The following MGAT4C variants were observed in gnomAD, a reference collection of about 807,000 sequenced individuals.
The protein encoded by MGAT4C is alpha-1,3-mannosyl-glycoprotein 4-beta-N-acetylglucosaminyltransferase C.
MGAT4C carries 19 observed loss-of-function variants against 40.1 expected under a neutral mutation model. The ratio of observed to expected loss-of-function variants is 0.47; its 90% CI spans 0.33 to 0.70. MGAT4C has a LOEUF of 0.70. Among genes scored for constraint, MGAT4C ranks in the 30% least tolerant of loss-of-function variants. The probability of loss-of-function intolerance (pLI) is 0.02; values close to 1 mark genes in which losing one functional copy is unlikely to be tolerated. For missense variants in MGAT4C, 491 were observed against 563.2 expected, an observed-to-expected ratio of 0.87 and a Z score of 1.30; for synonymous variants, 181 against 187.1, an observed-to-expected ratio of 0.97 and a Z score of 0.27.
At chr12:86,266,443 T>C (rs565761571) in intron 4 of MGAT4C, among the ~76,000 whole-genome samples, 2 of 152,232 alleles carry the variant, frequency 1.3e-5, no homozygotes, top group Admixed American at 1.3e-4. Flanking sequence ...TCATATTTAC[T>C]GGTCAGCATA....
chr12:86,271,869 G>A (rs1952960149), intron 4 of MGAT4C, among the ~76,000 whole-genome samples: 1 of 152,092 alleles, frequency 6.6e-6, no homozygotes, highest in Admixed American at 6.5e-5. Flanking sequence ...AGAACTGGGA[G>A]GTCATTATCT....
intron 2 of MGAT4C, among the ~76,000 whole-genome samples, chr12:86,444,749 G>A (rs1957302845): frequency 6.6e-6 from 1 of 151,970 alleles, no homozygotes; most frequent in Non-Finnish European, 1.5e-5. Flanking sequence ...TATTTCTGAG[G>A]TACGGTTCTG....
chr12:86,086,742 A>G (rs1459815227), intron 1 of MGAT4C, among the ~76,000 whole-genome samples: 1 of 151,900 alleles, frequency 6.6e-6, no homozygotes, highest in Non-Finnish European at 1.5e-5. Flanking sequence ...AGTCACTTTA[A>G]TGTGCTACTG....
At chr12:86,091,232 T>C (rs1296355253) in intron 1 of MGAT4C, among the ~76,000 whole-genome samples, 1 of 152,008 alleles carries the variant, frequency 6.6e-6, no homozygotes, top group Non-Finnish European at 1.5e-5. Context: ...AGCAGTATCC[T>C]TGAATAATAA....
At chr12:86,555,729 C>T (rs115758980) in intron 2 of MGAT4C, among the ~76,000 whole-genome samples, 4,716 of 152,252 alleles carry the variant, frequency 0.031, 125 homozygotes, top group African/African-American at 0.074. Flanking sequence ...TAATGCAGAG[C>T]GCCCTTTTGA....
Position 86,138,665 on chromosome 12 carries a change from CATATATATTTCCAT to C in MGAT4C, c.-56-88956_-56-88943del, listed in dbSNP as rs1258474372. On this transcript the variant is annotated intron_variant, in intron 1 of 4. Transcript: ENST00000611864. ...ATCATATATATATTTCCATATATAT[CATATATATTTCCAT>C]ATATATATTTCCATATATATCCATA... Among the ~76,000 whole-genome samples the C allele has an allele frequency of 7.2e-4, 105 of 144,886 alleles. 4 individuals carry two copies. In the South Asian group the frequency reaches 0.021, roughly 28 times the overall value.
At chr12:86,140,193 A>G (rs1252833148) in intron 1 of MGAT4C, among the ~76,000 whole-genome samples, 2 of 152,188 alleles carry the variant, frequency 1.3e-5, no homozygotes, top group African/African-American at 2.4e-5. Flanking sequence ...GTCATATATT[A>G]AATGTCATTA....
chr12:86,478,761 C>A (rs906406227), intron 2 of MGAT4C, among the ~76,000 whole-genome samples: 1 of 151,970 alleles, frequency 6.6e-6, no homozygotes, highest in African/African-American at 2.4e-5. Flanking sequence ...ACCTCACAAC[C>A]ATATTATGCT....
intron 2 of MGAT4C, among the ~76,000 whole-genome samples, chr12:85,993,437 T>C (rs1407701527): frequency 6.6e-6 from 1 of 152,198 alleles, no homozygotes; most frequent in African/African-American, 2.4e-5. Flanking sequence ...GTTTGCATAC[T>C]GCAAGGCTTA....
At chr12:86,434,186 T>C (rs1031501311) in intron 3 of MGAT4C, among the ~76,000 whole-genome samples, 2 of 152,028 alleles carry the variant, frequency 1.3e-5, no homozygotes, top group African/African-American at 4.8e-5. Flanking sequence ...ATCATACAAG[T>C]TTATTTAAAA....
chr12:86,012,402 G>C (rs1331487599), intron 2 of MGAT4C, among the ~76,000 whole-genome samples: 1 of 152,054 alleles, frequency 6.6e-6, no homozygotes, highest in East Asian at 1.9e-4. Context: ...GTTCAATAAG[G>C]CTTAAGCAGT....
intron 2 of MGAT4C, among the ~76,000 whole-genome samples, chr12:86,706,568 T>G (rs1335712498): frequency 1.3e-5 from 2 of 152,080 alleles, no homozygotes; most frequent in Non-Finnish European, 2.9e-5. Context: ...TTATACTAGT[T>G]TTTATAATAA....
intron 2 of MGAT4C, among the ~76,000 whole-genome samples, chr12:86,718,959 A>G (rs1950694663): frequency 6.6e-6 from 1 of 152,100 alleles, no homozygotes; most frequent in African/African-American, 2.4e-5. Flanking sequence ...GTTTCTTTAC[A>G]TGATGGTTAC....
At chr12:86,742,153 C>T (rs1358850934) in intron 1 of MGAT4C, among the ~76,000 whole-genome samples, 2 of 151,166 alleles carry the variant, frequency 1.3e-5, no homozygotes, top group Non-Finnish European at 3.0e-5. Context: ...TATTATTTAC[C>T]TCACACTGTA....
chr12:86,050,538 C>A (rs564151362), intron 1 of MGAT4C, among the ~76,000 whole-genome samples: 50 of 151,870 alleles, frequency 3.3e-4, no homozygotes, highest in Non-Finnish European at 5.7e-4. Flanking sequence ...CTAAGTAGAA[C>A]CAATTATGTT....
rs559336660 is a variant in MGAT4C at position 86,809,024 on chromosome 12, C to T, written c.-262+29642G>A. Among the ~76,000 whole-genome samples, 68 of 152,128 alleles carry T rather than the reference C, an allele frequency of 4.5e-4. 1 individual carries two copies. The highest frequency in any genetic ancestry group is 9.8e-4 in the Admixed American group (15 of 15,242). On this transcript the variant is annotated intron_variant, in intron 1 of 7. Coordinates refer to the MGAT4C transcript ENST00000548651. ...AAGAACCAAATCATGTATGAACTGCCATTCACAATTGCTACAAAGAGAATA... is the reference window on the plus strand; with the variant it reads ...AAGAACCAAATCATGTATGAACTGCTATTCACAATTGCTACAAAGAGAATA...
rs544591728 is a variant in MGAT4C, at chr12:86,235,023, C to T, written c.-57+21216G>A. On this transcript the variant is annotated intron_variant, in intron 1 of 4. Transcript: ENST00000611864. ...TTAAATGTTGATATTTTTAAAAGAC[C>T]TGTGCTTAGCCTTTTATTTTTTTCT... is the stretch of plus-strand genomic sequence containing the variant. Among the ~76,000 whole-genome samples the T allele has an allele frequency of 7.2e-5, 11 of 152,128 alleles. No homozygotes were observed. In the South Asian group the frequency reaches 1.9e-3, roughly 26 times the overall value.
At chr12:86,647,369 C>G (rs1356457527) in intron 2 of MGAT4C, among the ~76,000 whole-genome samples, 2 of 151,854 alleles carry the variant, frequency 1.3e-5, no homozygotes, top group Admixed American at 6.6e-5. Context: ...CAAACTTGCT[C>G]AAGAAGTTAG....
intron 2 of MGAT4C, among the ~76,000 whole-genome samples, chr12:86,048,877 A>G (rs1892648274): frequency 6.6e-6 from 1 of 152,096 alleles, no homozygotes; most frequent in Non-Finnish European, 1.5e-5. Context: ...TTCATTAATA[A>G]ATGGAATCCA....
Sources: allele counts gnomAD v4.1 joint callset (sites outside exome capture counted in the v4.1 genomes callset), GRCh38; gene constraint gnomAD v4.1.1; transcripts MANE v1.5; gene names NCBI Gene and HGNC (gene_info 2026-07-23, HGNC 2026-07-21).